The following SFSWAP variants were observed in gnomAD, a reference collection of about 807,000 sequenced individuals.
SFSWAP encodes splicing factor, suppressor of white-apricot homolog.
A neutral mutation model predicts 100.7 loss-of-function variants in SFSWAP; 17 were observed. That is an observed-to-expected ratio of 0.17 (90% CI 0.12 to 0.25). The LOEUF (loss-of-function observed/expected upper bound fraction) is 0.25, where lower values mean the gene tolerates loss of function less well. Ranked by LOEUF, SFSWAP falls within the 10% of genes least tolerant of loss-of-function variation. SFSWAP has a pLI of 1.00. For missense variants in SFSWAP, 1,005 were observed against 1,262.6 expected (o/e 0.80, Z 3.09); for synonymous variants, 504 against 510.1 (o/e 0.99, Z 0.16).
chr12:131,713,061 C>T (rs1161882891), intron 1 of SFSWAP: 1 of 152,078 alleles, frequency 6.6e-6, no homozygotes, highest in African/African-American at 2.4e-5. Context: ...GGGCCTTTTT[C>T]CTGTAAATGT....
At chr12:131,753,034 C>A in intron 7 of SFSWAP, 89 bp from the exon 8 acceptor site, 2 of 1,558,628 alleles carry the variant, frequency 1.3e-6, no homozygotes, top group Middle Eastern at 3.4e-4. Context: ...CTGCATCTTG[C>A]CGGGGGAAGG....
At chr12:131,728,913 T>G (rs1419372115) in intron 7 of SFSWAP, among the ~76,000 whole-genome samples, 1 of 152,088 alleles carries the variant, frequency 6.6e-6, no homozygotes, top group African/African-American at 2.4e-5. Context: ...CAGGCTGGTC[T>G]CGAGCTCCTG....
intron 13 of SFSWAP, among the ~76,000 whole-genome samples, chr12:131,775,315 G>A (rs1883929061): frequency 6.6e-6 from 1 of 152,152 alleles, no homozygotes; most frequent in Non-Finnish European, 1.5e-5. Context: ...TGTTTTCCTG[G>A]GGAAATCCCG....
intron 6 of SFSWAP, among the ~76,000 whole-genome samples, chr12:131,728,067 T>G (rs982497174): frequency 8.5e-5 from 13 of 152,234 alleles, no homozygotes; most frequent in South Asian, 4.1e-4. Flanking sequence ...GTCTGTCCTT[T>G]TCTTGGTAGT....
intron 13 of SFSWAP, among the ~76,000 whole-genome samples, chr12:131,777,518 C>T (rs1057150261): frequency 8.5e-5 from 13 of 152,128 alleles, no homozygotes; most frequent in Admixed American, 4.6e-4. Context: ...GTATATGTGC[C>T]GCATTTTCTT....
chr12:131,744,758 T>G (rs1880958809), intron 7 of SFSWAP, among the ~76,000 whole-genome samples: 1 of 152,208 alleles, frequency 6.6e-6, no homozygotes, highest in Non-Finnish European at 1.5e-5. Context: ...GATAAAGACA[T>G]ACCTGAGACT....
intron 14 of SFSWAP, among the ~76,000 whole-genome samples, chr12:131,781,439 G>A (rs1245952578): frequency 3.3e-5 from 5 of 151,424 alleles, no homozygotes; most frequent in African/African-American, 4.8e-5. Flanking sequence ...GGGTTTCACC[G>A]TGTTAGCCAG....
Position 131,755,481 on chromosome 12 carries a change from T to TA in SFSWAP, c.1548+3dup, listed in dbSNP as rs1481223517. ...AAAGAAGGGGGCGATAGCATGCAGGTACGTGTCTGAATGCAGGGAGGCTGT... is the reference window on the plus strand; with the variant it reads ...AAAGAAGGGGGCGATAGCATGCAGGTAACGTGTCTGAATGCAGGGAGGCTGT... On this transcript the variant is annotated splice_region_variant and intron_variant, in intron 10 of 17. Coordinates refer to ENST00000261674, the MANE Select transcript of SFSWAP (RefSeq NM_004592.4). 12 of 1,604,200 alleles carry TA rather than the reference T, an allele frequency of 7.5e-6. No individual in the cohort carries two copies. The highest frequency in any genetic ancestry group is 1.3e-5 in the African/African-American group (1 of 74,878).
intron 13 of SFSWAP, among the ~76,000 whole-genome samples, chr12:131,773,600 T>G (rs1883787003): frequency 6.6e-6 from 1 of 152,166 alleles, no homozygotes; most frequent in South Asian, 2.1e-4. Flanking sequence ...CGCCTTGGCC[T>G]CTCAAGATGC....
At chr12:131,766,456 T>G in intron 13 of SFSWAP, 148 bp downstream of exon 13, 1 of 745,120 alleles carries the variant, frequency 1.3e-6, no homozygotes, top group Non-Finnish European at 2.2e-6. Flanking sequence ...GAGTGGCTTT[T>G]ACTCTATAGC....
At chr12:131,727,211 A>G (rs1317406595) in intron 6 of SFSWAP, among the ~76,000 whole-genome samples, 159 bp downstream of exon 6, 1 of 152,262 alleles carries the variant, frequency 6.6e-6, no homozygotes, top group Non-Finnish European at 1.5e-5. Flanking sequence ...GCTGGGTGAC[A>G]AAGCATCTGC....
intron 11 of SFSWAP, among the ~76,000 whole-genome samples, chr12:131,762,209 G>A (rs1882735236): frequency 6.6e-6 from 1 of 152,014 alleles, no homozygotes; most frequent in Non-Finnish European, 1.5e-5. Flanking sequence ...CTTCAGCCTG[G>A]GCGACAGAGC....
At chr12:131,784,318 A>C (rs1884740317) in intron 14 of SFSWAP, 1 of 152,184 alleles carries the variant, frequency 6.6e-6, no homozygotes, top group Non-Finnish European at 1.5e-5. Flanking sequence ...TAGAGCCCAG[A>C]CCTTGATGCT....
In SFSWAP at chr12:131,733,227, G is replaced by A. The variant is rs1012465407; in HGVS notation, c.1081+4799G>A. Among the ~76,000 whole-genome samples, 1 of 152,186 alleles carries A rather than the reference G, an allele frequency of 6.6e-6. No individual in the cohort carries two copies. On this transcript the variant is annotated intron_variant, in intron 7 of 17. Coordinates refer to ENST00000261674, the MANE Select transcript of SFSWAP (RefSeq NM_004592.4). The surrounding 1 kb of genome is among the most constrained non-coding windows in gnomAD (Gnocchi z 5.1). ...TCCCTGGTACTTACTGGGCAGGTGC[G>A]TATCGTCAGGAGCTCCTCACCCTGC...
Position 131,778,865 on chromosome 12 carries a change from T to C in SFSWAP, c.2408+535T>C, listed in dbSNP as rs1298701438. ...TAAACTACTGCCAGGTTTTTAAAAA[T>C]TGGTTTGTTTAAATTCTAATGGTTC... On this transcript the variant is annotated intron_variant, in intron 14 of 17. Transcript: ENST00000261674. This position sits in a 1 kb window ranked among gnomAD's most constrained non-coding sequence, Gnocchi z 4.2. 1.3e-5 allele frequency among the ~76,000 whole-genome samples: 2 copies of C among 152,048 alleles called. No individual in the cohort carries two copies. Among genetic ancestry groups the C allele is most frequent in the African/African-American group, 4.8e-5 (2 of 41,420 alleles).
chr12:131,787,721 G>T (rs1360833071), intron 15 of SFSWAP, among the ~76,000 whole-genome samples: 1 of 152,134 alleles, frequency 6.6e-6, no homozygotes, highest in Non-Finnish European at 1.5e-5. Context: ...GGGACGGATG[G>T]TCCCAGCCAT....
At chr12:131,758,202 G>C (rs987465651) in intron 11 of SFSWAP, among the ~76,000 whole-genome samples, 2 of 152,130 alleles carry the variant, frequency 1.3e-5, no homozygotes, top group African/African-American at 4.8e-5. Flanking sequence ...GCCCAGGGAA[G>C]GCACCTGACC....
chr12:131,766,880 G>T (rs910187944), intron 13 of SFSWAP, among the ~76,000 whole-genome samples: 1 of 152,274 alleles, frequency 6.6e-6, no homozygotes, highest in Non-Finnish European at 1.5e-5. Flanking sequence ...AGGAGGGGGT[G>T]CTCAGAACAG....
In SFSWAP at chr12:131,755,428, T is replaced by C. The variant is rs1165898275; in HGVS notation, c.1497T>C (p.Tyr499=). Residue 499 remains tyrosine, a synonymous_variant, in exon 10 of 18, where the codon TAT becomes TAC. Transcript: ENST00000261674. ...CGTGGCACCAGTATAATGCTTATTA[T>C]GAGTTTAAGAAGCAGTTCTTCCTCC... is the stretch of plus-strand genomic sequence containing the variant. ...LQPWHQYNAY[Y]EFKKQFFLQK... is the part of the protein sequence containing the mutation. 3 of 1,613,892 alleles carry C rather than the reference T, an allele frequency of 1.9e-6. No individual in the cohort carries two copies. The highest frequency in any genetic ancestry group is 1.3e-5 in the African/African-American group (1 of 74,936).
Sources: allele counts gnomAD v4.1 joint callset (sites outside exome capture counted in the v4.1 genomes callset), GRCh38; gene constraint gnomAD v4.1.1; non-coding constraint Gnocchi (gnomAD v3.1); transcripts MANE v1.5; gene names NCBI Gene and HGNC (gene_info 2026-07-23, HGNC 2026-07-21).